FANCL: variants seen among roughly 807,000 people sequenced by gnomAD.
FANCL encodes the protein FA complementation group L.
Under a neutral mutation model 59.4 loss-of-function variants are expected in FANCL, and 69 were observed. The ratio of observed to expected loss-of-function variants is 1.16; its 90% CI spans 0.96 to 1.42. The LOEUF (loss-of-function observed/expected upper bound fraction) is 1.42. FANCL is among the 40% of genes most tolerant of loss of function. The probability of loss-of-function intolerance (pLI) is 0.00; values close to 1 mark genes in which losing one functional copy is unlikely to be tolerated. For missense variants in FANCL, 519 were observed against 447.2 expected (o/e 1.16, Z -1.45); for synonymous variants, 180 against 147.1 (o/e 1.22, Z -1.62).
intron 1 of FANCL, among the ~76,000 whole-genome samples, chr2:58,238,848 A>G (rs965943353): frequency 1.3e-5 from 2 of 152,212 alleles, no homozygotes; most frequent in African/African-American, 4.8e-5. Context: ...GCTACATGTC[A>G]GCATCTATAG....
chr2:58,228,071 AT>A (rs11461396), intron 3 of FANCL, among the ~76,000 whole-genome samples: 126 of 151,598 alleles, frequency 8.3e-4, no homozygotes, highest in African/African-American at 2.9e-3. Flanking sequence ...CAATATGGTC[AT>A]TTTTTTTATT....
chr2:58,225,063 C>A (rs905998301), intron 4 of FANCL, among the ~76,000 whole-genome samples: 2 of 151,546 alleles, frequency 1.3e-5, no homozygotes, highest in East Asian at 3.9e-4. Flanking sequence ...CCTGGGGCAA[C>A]TGGTATCAGA....
chr2:58,214,285 C>A (rs1027395149), intron 5 of FANCL, among the ~76,000 whole-genome samples: 2 of 152,068 alleles, frequency 1.3e-5, no homozygotes, highest in African/African-American at 2.4e-5. Flanking sequence ...GTTCCTTTTT[C>A]TCCTACATTA....
At chr2:58,195,867 C>G (rs957687895) in intron 7 of FANCL, among the ~76,000 whole-genome samples, 1 of 151,876 alleles carries the variant, frequency 6.6e-6, no homozygotes, top group Non-Finnish European at 1.5e-5. Context: ...CTGCGTAACC[C>G]CAAAGAGGCA....
chr2:58,201,742 A>T (rs57344611), intron 6 of FANCL, among the ~76,000 whole-genome samples: 8,993 of 152,016 alleles, frequency 0.059, 432 homozygotes, highest in African/African-American at 0.12. Context: ...CTACTTATTT[A>T]TTATTTACAT....
chr2:58,211,145 C>A (rs757774955), intron 5 of FANCL, among the ~76,000 whole-genome samples: 2 of 152,224 alleles, frequency 1.3e-5, no homozygotes, highest in South Asian at 2.1e-4. Context: ...GAGGGCCCCA[C>A]CCCTGCAGCA....
At chr2:58,216,617 TAAAG>T (rs1691747419) in intron 5 of FANCL, among the ~76,000 whole-genome samples, 1 of 152,014 alleles carries the variant, frequency 6.6e-6, no homozygotes, top group Admixed American at 6.6e-5. Context: ...GTTATGAAAA[TAAAG>T]AAAAGTAGAG....
rs182101791 is a variant in FANCL, at chr2:58,225,958, A to G, written c.273+770T>C. Among the ~76,000 whole-genome samples, 346 of 152,208 alleles carry G rather than the reference A, an allele frequency of 2.3e-3. 1 individual carries two copies. Among genetic ancestry groups the G allele is most frequent in the African/African-American group, 8.0e-3 (333 of 41,574 alleles). ...GCATACTAATACAAACAAAGCAGCT[A>G]TAAGAAATTATTAACTTTATTGAGG... On this transcript the variant is annotated intron_variant, in intron 4 of 13. Coordinates refer to ENST00000233741, the MANE Select transcript of FANCL (RefSeq NM_018062.4).
At chr2:58,161,305 T>A (rs1159589921) in intron 12 of FANCL, among the ~76,000 whole-genome samples, 1 of 151,932 alleles carries the variant, frequency 6.6e-6, no homozygotes, top group Non-Finnish European at 1.5e-5. Flanking sequence ...GGATAGATTT[T>A]CTCCCTTGGA....
intron 8 of FANCL, among the ~76,000 whole-genome samples, chr2:58,165,372 G>T (rs1469565869): frequency 2.0e-5 from 3 of 152,130 alleles, no homozygotes; most frequent in Non-Finnish European, 4.4e-5. Flanking sequence ...TGAGAAGATT[G>T]TAAGCTTCAC....
intron 7 of FANCL, among the ~76,000 whole-genome samples, chr2:58,175,229 T>C (rs1451461290): frequency 3.4e-5 from 5 of 148,008 alleles, no homozygotes; most frequent in Non-Finnish European, 7.4e-5. Context: ...GTACCATTCC[T>C]TCTGAAACTA....
intron 1 of FANCL, among the ~76,000 whole-genome samples, chr2:58,238,176 A>T (rs1460219103): frequency 9.9e-5 from 15 of 152,112 alleles, no homozygotes; most frequent in Admixed American, 6.5e-5. Flanking sequence ...ATTTTTTTTT[A>T]GCTTATCAGC....
At chr2:58,235,678 G>A (rs956877646) in intron 1 of FANCL, among the ~76,000 whole-genome samples, 2 of 151,780 alleles carry the variant, frequency 1.3e-5, no homozygotes, top group Non-Finnish European at 2.9e-5. Flanking sequence ...CCACAATGAA[G>A]AGAAAAATCA....
At chr2:58,188,114 A>G (rs1454374230) in intron 7 of FANCL, among the ~76,000 whole-genome samples, 1 of 152,128 alleles carries the variant, frequency 6.6e-6, no homozygotes, top group Non-Finnish European at 1.5e-5. Context: ...CGATGAGGTC[A>G]TTTTCACTTA....
chr2:58,169,961 C>A (rs1405797298), intron 7 of FANCL, among the ~76,000 whole-genome samples: 3 of 151,986 alleles, frequency 2.0e-5, no homozygotes, highest in African/African-American at 4.8e-5. Context: ...GAGAGTGGAA[C>A]CAAGTTAAAA....
At chr2:58,240,269 C>T (rs1011130536) in intron 1 of FANCL, among the ~76,000 whole-genome samples, 1 of 152,152 alleles carries the variant, frequency 6.6e-6, no homozygotes, top group African/African-American at 2.4e-5. Context: ...GAATTTTTAA[C>T]CTCTACTTTC....
chr2:58,192,864 A>T (rs1355628196), intron 7 of FANCL, among the ~76,000 whole-genome samples: 1 of 151,992 alleles, frequency 6.6e-6, no homozygotes, highest in Non-Finnish European at 1.5e-5. Flanking sequence ...GAAAACAAAA[A>T]CAACAACAAC....
chr2:58,191,581 T>C lies in FANCL; in HGVS notation c.540+7013A>G, dbSNP rs745549746. Among the ~76,000 whole-genome samples the C allele has an allele frequency of 4.6e-5, 7 of 152,018 alleles. No homozygotes were observed. The South Asian group carries it at 8.3e-4, about 18-fold the overall frequency. On this transcript the variant is annotated intron_variant, in intron 7 of 13. Transcript: ENST00000233741. ...CATGATTTTTCATTAATCATCCCTA[T>C]TTCATTTTTGAGCATAGAAAACTCC...
rs140088149 is a variant in FANCL at position 58,161,579 on chromosome 2, A to T, written c.963T>A (p.Asp321Glu). Reference sequence around the variant, plus strand: ...CACACTGAGAATTATCACACACTTGATCAGGAATGGTACCGTCAAGTTGAT... The same window carrying T: ...CACACTGAGAATTATCACACACTTGTTCAGGAATGGTACCGTCAAGTTGAT... Reference protein sequence around the residue: ...YAYQLDGTIPDQVCDNSQCGQ... With the variant: ...YAYQLDGTIPEQVCDNSQCGQ... The change falls in exon 12 of 14, where the codon GAT becomes GAA. Residue 321 changes from aspartate to glutamate, a missense_variant. Transcript: ENST00000233741. 3.0e-4 allele frequency: 478 copies of T among 1,611,748 alleles called. 2 individuals are homozygous for T. In the African/African-American group the frequency reaches 5.8e-3, roughly 19 times the overall value.
Sources: gnomAD v4.1 joint callset for allele counts (sites outside exome capture counted in the v4.1 genomes callset) on GRCh38, gnomAD v4.1.1 for gene constraint, MANE v1.5 for transcripts, NCBI Gene and HGNC (gene_info 2026-07-23, HGNC 2026-07-21) for gene names.